PCBP3: variants seen among roughly 807,000 people sequenced by gnomAD.
PCBP3 encodes poly(rC) binding protein 3.
Under a neutral mutation model 52.7 loss-of-function variants are expected in PCBP3, and 25 were observed. The observed-to-expected ratio is 0.47, with a 90% CI of 0.35 to 0.66. The LOEUF is 0.66. Among genes scored for constraint, PCBP3 ranks in the 30% least tolerant of loss-of-function variants. The probability of loss-of-function intolerance (pLI) is 0.01; values close to 1 mark genes in which losing one functional copy is unlikely to be tolerated. For synonymous variants in PCBP3, 162 were observed against 183.0 expected (o/e 0.89, Z 0.93); for missense variants, 391 against 490.3 (o/e 0.80, Z 1.91).
At chr21:45,838,175 T>C (rs1021435450) in intron 4 of PCBP3, among the ~76,000 whole-genome samples, 6 of 152,232 alleles carry the variant, frequency 3.9e-5, no homozygotes, top group Non-Finnish European at 8.8e-5. Flanking sequence ...AGCATCATTG[T>C]TAACTGGTGG....
At chr21:45,665,282 C>A (rs1274781761) in intron 1 of PCBP3, among the ~76,000 whole-genome samples, 1 of 151,930 alleles carries the variant, frequency 6.6e-6, no homozygotes, top group Non-Finnish European at 1.5e-5. Flanking sequence ...GTGGTACATG[C>A]CTGTAGTCCT....
intron 13 of PCBP3, among the ~76,000 whole-genome samples, chr21:45,927,539 C>G (rs184465745): frequency 1.1e-4 from 17 of 151,042 alleles, no homozygotes; most frequent in Non-Finnish European, 2.1e-4. Flanking sequence ...GGTGCAGTGG[C>G]CTGACTGATC....
intron 2 of PCBP3, among the ~76,000 whole-genome samples, chr21:45,718,163 G>A (rs1189366819): frequency 4.1e-5 from 6 of 146,956 alleles, no homozygotes; most frequent in African/African-American, 1.5e-4. Flanking sequence ...TGGTTGTGAT[G>A]TCTCCTCTTT....
chr21:45,665,195 A>G (rs972794358), intron 1 of PCBP3, among the ~76,000 whole-genome samples: 1 of 151,960 alleles, frequency 6.6e-6, no homozygotes, highest in Non-Finnish European at 1.5e-5. Flanking sequence ...TGAGGCCAGG[A>G]GTTCAAGACT....
At chr21:45,897,225 C>T (rs2095856693) in intron 6 of PCBP3, among the ~76,000 whole-genome samples, 1 of 152,232 alleles carries the variant, frequency 6.6e-6, no homozygotes. Flanking sequence ...CCACACACAG[C>T]CATCAGTGTC....
At chr21:45,865,543 G>A (rs527866194) in intron 5 of PCBP3, among the ~76,000 whole-genome samples, 2 of 152,302 alleles carry the variant, frequency 1.3e-5, no homozygotes, top group South Asian at 2.1e-4. Context: ...CGCCCCATCC[G>A]CCACTGAGTA....
intron 4 of PCBP3, among the ~76,000 whole-genome samples, chr21:45,834,314 G>A (rs1040995235): frequency 5.3e-5 from 8 of 152,242 alleles, no homozygotes; most frequent in Non-Finnish European, 7.3e-5. Flanking sequence ...CGACCAGGGC[G>A]CGTGTTAGAG....
At chr21:45,844,609 C>T (rs1569299710) in intron 4 of PCBP3, among the ~76,000 whole-genome samples, 1 of 152,060 alleles carries the variant, frequency 6.6e-6, no homozygotes, top group Non-Finnish European at 1.5e-5. Context: ...ATGGTGCTCC[C>T]CGCGGCATGG....
chr21:45,655,647 A>G (rs1031314324), intron 1 of PCBP3, among the ~76,000 whole-genome samples: 19 of 152,336 alleles, frequency 1.2e-4, no homozygotes, highest in African/African-American at 3.6e-4. Flanking sequence ...ACAGAAGCCA[A>G]AATTAACAAA....
chr21:45,936,416 A>T (rs2076898150), intron 16 of PCBP3, among the ~76,000 whole-genome samples: 1 of 152,236 alleles, frequency 6.6e-6, no homozygotes, highest in Non-Finnish European at 1.5e-5. Flanking sequence ...AAAGAAGCTC[A>T]GGACACTCAC....
intron 5 of PCBP3, chr21:45,871,877 C>T (rs3788222): frequency 6.6e-6 from 1 of 152,268 alleles, no homozygotes; most frequent in African/African-American, 2.4e-5. Context: ...AGTGGCGTCT[C>T]CTGCTGCGGT....
At chr21:45,750,395 A>ACCCCCCCCCCCCC in intron 3 of PCBP3, 1 of 87,772 alleles carries the variant, frequency 1.1e-5, no homozygotes. Context: ...CTGGGAGCAG[A>ACCCCCCCCCCCCC]CCCCCCCCCC....
At chr21:45,923,782 G>C (rs1206031775) in intron 13 of PCBP3, among the ~76,000 whole-genome samples, 1 of 152,080 alleles carries the variant, frequency 6.6e-6, no homozygotes, top group East Asian at 1.9e-4. Flanking sequence ...TGGAACAGTT[G>C]AGTGGATAGA....
chr21:45,861,193 T>A (rs551410100), intron 5 of PCBP3, among the ~76,000 whole-genome samples: 1 of 152,312 alleles, frequency 6.6e-6, no homozygotes, highest in Admixed American at 6.5e-5. Flanking sequence ...TGCTGCCTGG[T>A]CAGCTTCCTT....
chr21:45,826,083 A>C (rs1189298612), intron 4 of PCBP3, among the ~76,000 whole-genome samples: 1 of 151,926 alleles, frequency 6.6e-6, no homozygotes, highest in Non-Finnish European at 1.5e-5. Flanking sequence ...ACATGGAGAA[A>C]CCCTGTCTCT....
rs559964510 is a variant in PCBP3, at chr21:45,768,246, C to T, written c.-126+12794C>T. The stretch of plus-strand genomic sequence containing the variant: ...CGTGGGCCTTTGCTGATGCTCCCTG[C>T]GTGGGTGGCAGTGAGCCACCCTCAC... On this transcript the variant is annotated intron_variant, in intron 4 of 17. Transcript: ENST00000681687. Among the ~76,000 whole-genome samples the T allele has an allele frequency of 3.9e-5, 6 of 152,338 alleles. No homozygotes were observed. The South Asian group carries it at 1.0e-3, about 26-fold the overall frequency.
Position 45,662,402 on chromosome 21 carries a change from G to A in PCBP3, c.-278-6472G>A, listed in dbSNP as rs567270253. 2.7e-5 allele frequency among the ~76,000 whole-genome samples: 4 copies of A among 149,274 alleles called. No homozygotes were observed. The East Asian group carries it at 7.9e-4, about 30-fold the overall frequency. ...CTTCCAGAGTGTTGGGATTACAGGT[G>A]TGAGCCACTGTGCCTGGCCTGCATT... On this transcript the variant is annotated intron_variant, in intron 1 of 17. Transcript: ENST00000681687.
chr21:45,887,052 G>C (rs2095540756), intron 5 of PCBP3, among the ~76,000 whole-genome samples: 1 of 152,252 alleles, frequency 6.6e-6, no homozygotes, highest in Non-Finnish European at 1.5e-5. Flanking sequence ...GCAGAAAGCA[G>C]ACTTTTGTTG....
At chr21:45,659,402 G>A (rs766651590) in intron 1 of PCBP3, among the ~76,000 whole-genome samples, 2 of 141,586 alleles carry the variant, frequency 1.4e-5, no homozygotes, top group Non-Finnish European at 3.0e-5. Flanking sequence ...AAGTGCATTG[G>A]TGCCATCACA....
Sources: allele counts gnomAD v4.1 joint callset (sites outside exome capture counted in the v4.1 genomes callset), GRCh38; gene constraint gnomAD v4.1.1; transcripts MANE v1.5; gene names NCBI Gene and HGNC (gene_info 2026-07-23, HGNC 2026-07-21).